Variants in ARMCX4 observed in about 807,000 individuals in gnomAD.
ARMCX4 encodes the protein armadillo repeat containing X-linked 4.
A neutral mutation model predicts 34.7 loss-of-function variants in ARMCX4; 3 were observed. The ratio of observed to expected loss-of-function variants is 0.09; its 90% CI spans 0.04 to 0.22. ARMCX4 has a LOEUF of 0.22. ARMCX4 is among the 10% of genes least tolerant of loss of function. ARMCX4 has a pLI of 1.00. For missense variants in ARMCX4, 1,448 were observed against 1,720.8 expected (o/e 0.84, Z 2.81); for synonymous variants, 513 against 632.8 (o/e 0.81, Z 2.84).
chrX:101,469,703 T>A (rs1932857372), intron 4 of ARMCX4, among the ~76,000 whole-genome samples: 1 of 111,439 alleles, frequency 9.0e-6, no homozygotes, highest in South Asian at 3.8e-4. Flanking sequence ...CGAAAGGTCC[T>A]TTGTGCCTGT....
intron 2 of ARMCX4, among the ~76,000 whole-genome samples, chrX:101,426,952 T>C (rs1302608845): frequency 8.9e-6 from 1 of 112,432 alleles, no homozygotes; most frequent in Non-Finnish European, 1.9e-5. Flanking sequence ...CTTGATGGTC[T>C]GTCCAGTGAC....
At chrX:101,487,092 T>G (rs1157774716) in intron 2 of ARMCX4, 101 bp from the exon 3 acceptor site, 10 of 94,265 alleles carry the variant, frequency 1.1e-4, no homozygotes, top group Non-Finnish European at 1.8e-4. Context: ...AGCAAATGGG[T>G]CTCTAAATCC....
At chrX:101,466,033 C>T (rs1257411582) in intron 4 of ARMCX4, among the ~76,000 whole-genome samples, 3 of 111,556 alleles carry the variant, frequency 2.7e-5, no homozygotes, top group East Asian at 5.6e-4. Context: ...AGACTACTGC[C>T]CTTTCTAAGA....
chrX:101,492,189 G>A lies in ARMCX4; in HGVS notation c.3600G>A (p.Gly1200=). The change falls in exon 6 of 6, where the codon GGG becomes GGA. Residue 1200 remains glycine, a synonymous_variant. Coordinates refer to ENST00000423738, the MANE Select transcript of ARMCX4 (RefSeq NM_001256155.3). ...GLWAGGQTSE[G]TWAGDKASGG... is the part of the protein sequence containing the mutation. ...GGGCTGGGGGTCAGACTAGTGAGGG[G>A]ACCTGGGCTGGGGACAAGGCCAGTG... The A allele has an allele frequency of 8.7e-7, 1 of 1,146,935 alleles. No homozygotes were observed. Among genetic ancestry groups the A allele is most frequent in the Non-Finnish European group, 1.2e-6 (1 of 868,425 alleles). The allele number at this position is 1,146,935 out of a possible 1,213,427, so 94.5% of individuals were successfully genotyped here.
chrX:101,498,561 T>C (rs1384126691), downstream of ARMCX4: 1 of 119,782 alleles, frequency 8.3e-6, no homozygotes, highest in Non-Finnish European at 1.7e-5. Flanking sequence ...CTGAATTAAA[T>C]TAATCAACAA....
At chrX:101,426,356 G>A (rs7057885) in intron 2 of ARMCX4, among the ~76,000 whole-genome samples, 26,842 of 110,628 alleles carry the variant, frequency 0.24, 4,119 homozygotes, top group African/African-American at 0.57. Context: ...ATGTGTGCAG[G>A]TATAGTTGGT....
At chrX:101,504,071 A>G (rs1183999495) in intron 7 of ARMCX4, among the ~76,000 whole-genome samples, 1 of 111,551 alleles carries the variant, frequency 9.0e-6, no homozygotes, top group Non-Finnish European at 1.9e-5. Context: ...TGTTTTTGTC[A>G]TGTTTGTCAA....
intron 11 of ARMCX4, among the ~76,000 whole-genome samples, chrX:101,515,198 G>T (rs142314774): frequency 9.0e-6 from 1 of 110,918 alleles, no homozygotes; most frequent in Non-Finnish European, 1.9e-5. Context: ...ATGTCCTCAG[G>T]TATAAAATAC....
At chrX:101,471,555 A>G (rs939255322) in intron 4 of ARMCX4, among the ~76,000 whole-genome samples, 5 of 112,104 alleles carry the variant, frequency 4.5e-5, no homozygotes, top group South Asian at 3.7e-4. Flanking sequence ...TTAAATGTCC[A>G]TGTCTGATAG....
At position 101,490,845 on chromosome X, in the gene ARMCX4, T is replaced by C. The variant is rs1395993798; in HGVS notation, c.2256T>C (p.Ala752=). 2.7e-6 allele frequency: 3 copies of C among 1,108,851 alleles called. No individual in the cohort carries two copies. In the African/African-American group the frequency reaches 5.6e-5, roughly 21 times the overall value. 91.4% of individuals were successfully genotyped at this position (1,108,851 alleles called of 1,213,427 possible). The change falls in exon 6 of 6, where the codon GCT becomes GCC. Residue 752 remains alanine, a synonymous_variant. Coordinates refer to ENST00000423738, the MANE Select transcript of ARMCX4 (RefSeq NM_001256155.3). Reference sequence around the variant, plus strand: ...CAACAGACTCTGCCCGGCTCCAGGCTGTGGCCAATTCTCAGGGTGAGGTCT... The same window carrying C: ...CAACAGACTCTGCCCGGCTCCAGGCCGTGGCCAATTCTCAGGGTGAGGTCT... The part of the protein sequence containing the change: ...PYTTDSARLQ[A]VANSQGEVLP...
chrX:101,477,356 C>T (rs1556004518), intron 4 of ARMCX4, among the ~76,000 whole-genome samples: 2 of 89,207 alleles, frequency 2.2e-5, no homozygotes, highest in East Asian at 3.8e-4. Context: ...ATGAAAATCA[C>T]GTGAACGGAG....
chrX:101,489,506 C>T lies in ARMCX4; in HGVS notation c.917C>T (p.Thr306Ile). The T allele has an allele frequency of 3.5e-6, 4 of 1,155,596 alleles. No individual in the cohort carries two copies. Among genetic ancestry groups the T allele is most frequent in the African/African-American group, 1.8e-5 (1 of 56,223 alleles). ...TGVEDMGNCK[T>I]MSRAESGADT... The stretch of plus-strand genomic sequence containing the variant: ...GTTGAGGACATGGGGAATTGTAAAA[C>T]CATGTCTAGGGCAGAGTCTGGGGCA... Residue 306 changes from threonine (T) to isoleucine (I), a missense_variant, in exon 6 of 6, where the codon ACC becomes ATC. This residue lies in a region of ARMCX4 where 1,343 missense variants were observed against 1,540.7 expected (regional missense o/e 0.87). Coordinates refer to ENST00000423738, the MANE Select transcript of ARMCX4 (RefSeq NM_001256155.3).
chrX:101,506,821 A>G (rs1934461854), intron 8 of ARMCX4, among the ~76,000 whole-genome samples: 1 of 111,339 alleles, frequency 9.0e-6, no homozygotes, highest in African/African-American at 3.3e-5. Flanking sequence ...ATAGGGTACC[A>G]TAACAATTAC....
In ARMCX4 at chrX:101,490,794, G is replaced by C. The variant is rs1556008634; in HGVS notation, c.2205G>C (p.Val735=). The part of the protein sequence containing the change: ...KNKIRGNPTT[V]PNSGVGPYTT... The stretch of plus-strand genomic sequence containing the variant: ...AGATCAGAGGCAATCCCACTACTGT[G>C]CCTAATTCAGGGGTTGGGCCATATA... The change falls in exon 6 of 6, where the codon GTG becomes GTC. Residue 735 remains valine, a synonymous_variant. Coordinates refer to ENST00000423738, the MANE Select transcript of ARMCX4 (RefSeq NM_001256155.3). 1 of 1,150,684 alleles carries C rather than the reference G, an allele frequency of 8.7e-7. No individual in the cohort carries two copies. The highest frequency in any genetic ancestry group is 1.8e-5 in the African/African-American group (1 of 55,561). The allele number at this position is 1,150,684 out of a possible 1,213,427, so 94.8% of individuals were successfully genotyped here.
intron 8 of ARMCX4, among the ~76,000 whole-genome samples, chrX:101,507,188 G>A (rs1046985310): frequency 3.6e-5 from 4 of 110,716 alleles, no homozygotes; most frequent in Non-Finnish European, 7.6e-5. Context: ...TTTCACAATT[G>A]AGACATTAGA....
downstream of ARMCX4, chrX:101,499,399 G>A (rs1934248175): frequency 9.0e-6 from 1 of 111,513 alleles, no homozygotes; most frequent in Admixed American, 9.5e-5. Flanking sequence ...ATTATGTAAG[G>A]CCAGAAAACC....
Position 101,494,847 on chromosome X carries a change from A to G in ARMCX4, c.6258A>G (p.Ser2086=), listed in dbSNP as rs1556011407. ...HEVVRNVGGI[S]VIESLLNNPY... ...TTGTTCGTAATGTAGGTGGAATTTC[A>G]GTTATTGAAAGCTTGCTCAATAATC... is the stretch of plus-strand genomic sequence containing the variant. Residue 2086 remains serine (S), a synonymous_variant, in exon 6 of 6, where the codon TCA becomes TCG. Coordinates refer to ENST00000423738, the MANE Select transcript of ARMCX4 (RefSeq NM_001256155.3). The G allele has an allele frequency of 6.1e-6, 7 of 1,152,929 alleles. No homozygotes were observed. In the East Asian group the frequency reaches 2.0e-4, roughly 32 times the overall value.
Position 101,494,814 on chromosome X carries a change from T to C in ARMCX4, c.6225T>C (p.Ser2075=), listed in dbSNP as rs1340173345. 19 of 1,152,959 alleles carry C rather than the reference T, an allele frequency of 1.6e-5. No homozygotes were observed. In the African/African-American group the frequency reaches 2.7e-4, roughly 16 times the overall value. Residue 2075 remains serine, a synonymous_variant, in exon 6 of 6, where the codon TCT becomes TCC. Coordinates refer to ENST00000423738, the MANE Select transcript of ARMCX4 (RefSeq NM_001256155.3). ...ALYNSADYSY[S]HEVVRNVGGI... ...ATAACAGTGCTGATTATTCTTATTC[T>C]CATGAAGTTGTTCGTAATGTAGGTG...
intron 4 of ARMCX4, among the ~76,000 whole-genome samples, chrX:101,471,269 T>A (rs1309330253): frequency 8.9e-6 from 1 of 112,555 alleles, no homozygotes; most frequent in Admixed American, 9.4e-5. Flanking sequence ...GTTAATAATG[T>A]CTATGGATGA....
Sources: allele counts gnomAD v4.1 joint callset (sites outside exome capture counted in the v4.1 genomes callset), GRCh38; gene constraint gnomAD v4.1.1; regional missense constraint gnomAD v4.1.1; transcripts MANE v1.5; gene names NCBI Gene and HGNC (gene_info 2026-07-23, HGNC 2026-07-21).